EYA1: variants seen among roughly 807,000 people sequenced by gnomAD.
EYA1 encodes the protein EYA transcriptional coactivator and phosphatase 1, also known as protein phosphatase EYA1.
In EYA1, 16 loss-of-function variants were observed where a neutral mutation model predicts 82.0. That is an observed-to-expected ratio of 0.20 (90% CI 0.13 to 0.30). EYA1 has a LOEUF of 0.30. Ranked by LOEUF, EYA1 falls within the 10% of genes least tolerant of loss-of-function variation. The probability of loss-of-function intolerance (pLI) is 1.00; values close to 1 mark genes in which losing one functional copy is unlikely to be tolerated. For synonymous variants in EYA1, 261 were observed against 264.4 expected (o/e 0.99, Z 0.12); for missense variants, 633 against 730.7 (o/e 0.87, Z 1.54).
intron 2 of EYA1, among the ~76,000 whole-genome samples, chr8:71,467,093 T>C (rs1489296943): frequency 2.6e-5 from 4 of 152,110 alleles, no homozygotes; most frequent in Admixed American, 2.0e-4. Flanking sequence ...TATTTTATTG[T>C]GGTATGTTGG....
intron 16 of EYA1, among the ~76,000 whole-genome samples, chr8:71,214,374 T>C (rs1808911779): frequency 6.6e-6 from 1 of 152,172 alleles, no homozygotes; most frequent in Non-Finnish European, 1.5e-5. Flanking sequence ...ATTTGCATTG[T>C]TCTCACTAGC....
At chr8:71,392,285 C>T (rs1377288634) in intron 2 of EYA1, among the ~76,000 whole-genome samples, 2 of 152,152 alleles carry the variant, frequency 1.3e-5, no homozygotes, top group Non-Finnish European at 2.9e-5. Flanking sequence ...CTTGCATTGG[C>T]TCTTTTTCTA....
intron 3 of EYA1, among the ~76,000 whole-genome samples, chr8:71,347,730 G>A (rs185051156): frequency 5.6e-4 from 85 of 152,120 alleles, no homozygotes; most frequent in Non-Finnish European, 1.0e-3. Context: ...ATACAATGAT[G>A]AAATGGGTAA....
Position 71,497,862 on chromosome 8 carries a change from T to C in EYA1, c.33+37882A>G, listed in dbSNP as rs978505538. ...ATTTTTAAAATTGTGGTATATATAATGGAATACTACTCAGCCATAAAAAGG... is the reference window on the plus strand; with the variant it reads ...ATTTTTAAAATTGTGGTATATATAACGGAATACTACTCAGCCATAAAAAGG... On this transcript the variant is annotated intron_variant, in intron 2 of 18. Coordinates refer to the EYA1 transcript ENST00000643681. 5.3e-5 allele frequency among the ~76,000 whole-genome samples: 8 copies of C among 152,126 alleles called. No homozygotes were observed. The East Asian group carries it at 1.2e-3, about 22-fold the overall frequency.
rs113694301 is a variant in EYA1, at chr8:71,276,402, T to G, written c.827-4505A>C. Among the ~76,000 whole-genome samples the G allele has an allele frequency of 2.5e-3, 377 of 152,338 alleles. 1 individual carries two copies. Among genetic ancestry groups the G allele is most frequent in the Admixed American group, 4.0e-3 (61 of 15,302 alleles). On this transcript the variant is annotated intron_variant, in intron 9 of 17. Transcript: ENST00000340726. Reference sequence around the variant, plus strand: ...TCTAAAGCTTTACCTTTTGATCTCCTGACCTGAGTATCCCACTATTTCTAG... The same window carrying G: ...TCTAAAGCTTTACCTTTTGATCTCCGGACCTGAGTATCCCACTATTTCTAG...
intron 2 of EYA1, among the ~76,000 whole-genome samples, chr8:71,423,910 C>T (rs1214008501): frequency 2.0e-5 from 3 of 152,196 alleles, no homozygotes; most frequent in Non-Finnish European, 2.9e-5. Context: ...TGGTTAGGAT[C>T]ACTCCAGCTA....
Position 71,317,607 on chromosome 8 carries a change from G to A in EYA1, c.501C>T (p.Gly167=), listed in dbSNP as rs1389125900. 2 of 1,614,122 alleles carry A rather than the reference G, an allele frequency of 1.2e-6. No individual in the cohort carries two copies. The highest frequency in any genetic ancestry group is 4.5e-5 in the East Asian group (2 of 44,872). Residue 167 remains glycine, a synonymous_variant, in exon 7 of 18, where the codon GGC becomes GGT. Transcript: ENST00000340726. ...SPGQTGFLSY[G]TSFSTPQPGQ... Reference sequence around the variant, plus strand: ...CAGGTTGAGGGGTACTGAAGCTTGTGCCATAGCTGAGAAATCCTGTCTGTC... The same window carrying A: ...CAGGTTGAGGGGTACTGAAGCTTGTACCATAGCTGAGAAATCCTGTCTGTC...
At chr8:71,462,774 G>C (rs567613185) in intron 2 of EYA1, among the ~76,000 whole-genome samples, 34 of 152,306 alleles carry the variant, frequency 2.2e-4, no homozygotes, top group African/African-American at 7.5e-4. Context: ...TCCTGCCCAG[G>C]CATGTGAAAG....
intron 4 of EYA1, 162 bp from the exon 5 acceptor site, chr8:71,322,430 A>C: frequency 4.5e-6 from 3 of 666,962 alleles, no homozygotes; most frequent in South Asian, 1.6e-5. Flanking sequence ...GGTTCCACCT[A>C]ACAGAAAGTT....
intron 4 of EYA1, among the ~76,000 whole-genome samples, chr8:71,327,287 T>C (rs1167303408): frequency 6.6e-6 from 1 of 152,222 alleles, no homozygotes; most frequent in East Asian, 1.9e-4. Flanking sequence ...TAGAAGGGTA[T>C]ACCTTTTATG....
intron 11 of EYA1, among the ~76,000 whole-genome samples, chr8:71,266,235 A>G (rs1218600751): frequency 6.6e-6 from 1 of 152,158 alleles, no homozygotes; most frequent in Non-Finnish European, 1.5e-5. Flanking sequence ...TCCCCTTGAC[A>G]ATGCCCAGGA....
At chr8:71,392,531 G>A (rs1343072065) in intron 2 of EYA1, among the ~76,000 whole-genome samples, 1 of 152,148 alleles carries the variant, frequency 6.6e-6, no homozygotes, top group Non-Finnish European at 1.5e-5. Context: ...TTTGCTCAGA[G>A]GTCCCATTGT....
At chr8:71,481,200 G>GT (rs1810127155) in intron 2 of EYA1, among the ~76,000 whole-genome samples, 1 of 152,174 alleles carries the variant, frequency 6.6e-6, no homozygotes, top group Non-Finnish European at 1.5e-5. Context: ...TTACAAAGTA[G>GT]TAACATAATA....
intron 2 of EYA1, among the ~76,000 whole-genome samples, chr8:71,396,171 T>C (rs1829600231): frequency 6.6e-6 from 1 of 152,176 alleles, no homozygotes. Flanking sequence ...GTCTATTTGA[T>C]TCTTCTCTCT....
intron 12 of EYA1, among the ~76,000 whole-genome samples, chr8:71,221,912 TCA>T (rs1453790927): frequency 1.3e-5 from 2 of 152,060 alleles, no homozygotes; most frequent in African/African-American, 4.8e-5. Flanking sequence ...CTGCACAGGC[TCA>T]GTTCCCAAGG....
chr8:71,428,786 T>TA (rs1805423302), intron 2 of EYA1, among the ~76,000 whole-genome samples: 1 of 152,176 alleles, frequency 6.6e-6, no homozygotes, highest in African/African-American at 2.4e-5. Context: ...GCATGTGACT[T>TA]AAAAAAACCT....
chr8:71,225,396 ACCT>A (rs1299058027), intron 12 of EYA1: 1 of 428,570 alleles, frequency 2.3e-6, no homozygotes, highest in African/African-American at 2.0e-5. Context: ...ACACCTGGTG[ACCT>A]CCTATTTCCC....
intron 4 of EYA1, among the ~76,000 whole-genome samples, chr8:71,328,394 C>T (rs1727251920): frequency 6.6e-6 from 1 of 152,194 alleles, no homozygotes; most frequent in Admixed American, 6.5e-5. Flanking sequence ...CCTATGCCTT[C>T]ACCCAGCCCC....
intron 11 of EYA1, among the ~76,000 whole-genome samples, chr8:71,253,600 A>G (rs1814020109): frequency 6.6e-6 from 1 of 152,204 alleles, no homozygotes; most frequent in South Asian, 2.1e-4. Context: ...CCCGTAGAGC[A>G]AATGTCCTCA....
Sources: gnomAD v4.1 joint callset for allele counts (sites outside exome capture counted in the v4.1 genomes callset) on GRCh38, gnomAD v4.1.1 for gene constraint, MANE v1.5 for transcripts, NCBI Gene and HGNC (gene_info 2026-07-23, HGNC 2026-07-21) for gene names.